EML4: variants seen among roughly 807,000 people sequenced by gnomAD.
The protein encoded by EML4 is echinoderm microtubule-associated protein-like 4.
Under a neutral mutation model 129.0 loss-of-function variants are expected in EML4, and 72 were observed. The observed-to-expected ratio is 0.56, with a 90% CI of 0.46 to 0.68. The LOEUF (loss-of-function observed/expected upper bound fraction) is 0.68, where lower values mean the gene tolerates loss of function less well. EML4 is among the 30% of genes least tolerant of loss of function. EML4 has a pLI of 0.00. For synonymous variants in EML4, 532 were observed against 405.0 expected, an observed-to-expected ratio of 1.31 and a Z score of -3.77; for missense variants, 1,363 against 1,190.6, an observed-to-expected ratio of 1.14 and a Z score of -2.13.
At chr2:42,280,821 G>C in intron 6 of EML4, 29 bp from the exon 7 acceptor site, 1 of 1,574,432 alleles carries the variant, frequency 6.4e-7, no homozygotes, top group Non-Finnish European at 8.6e-7. Flanking sequence ...AAATACGTAT[G>C]ACTTAACTTT....
intron 1 of EML4, among the ~76,000 whole-genome samples, chr2:42,176,373 T>G (rs1670603629): frequency 6.6e-6 from 1 of 152,218 alleles, no homozygotes; most frequent in South Asian, 2.1e-4. Context: ...CTCAGATTTA[T>G]CTTCCTAAAG....
intron 2 of EML4, 76 bp from the exon 3 acceptor site, chr2:42,256,425 G>T: frequency 4.9e-6 from 7 of 1,439,598 alleles, no homozygotes; most frequent in Admixed American, 2.3e-5. Context: ...CCTTCCAAAT[G>T]GACTTAATTT....
At chr2:42,236,462 A>C (rs920548354) in intron 1 of EML4, among the ~76,000 whole-genome samples, 2 of 152,220 alleles carry the variant, frequency 1.3e-5, no homozygotes, top group South Asian at 4.1e-4. Flanking sequence ...CTGGGAGGCC[A>C]CCTGTTTTAT....
chr2:42,249,338 C>T (rs1293841893), intron 2 of EML4, among the ~76,000 whole-genome samples: 1 of 151,472 alleles, frequency 6.6e-6, no homozygotes, highest in East Asian at 1.9e-4. Context: ...TCGAGTATCA[C>T]ATAATTTATT....
At chr2:42,178,904 C>G (rs561115324) in intron 1 of EML4, among the ~76,000 whole-genome samples, 45 of 152,224 alleles carry the variant, frequency 3.0e-4, no homozygotes, top group African/African-American at 9.9e-4. Flanking sequence ...GATTGTTTTG[C>G]ATCCATTATA....
chr2:42,254,086 T>G (rs1455381901), intron 2 of EML4, among the ~76,000 whole-genome samples: 1 of 152,224 alleles, frequency 6.6e-6, no homozygotes. Flanking sequence ...AAGCCCATTC[T>G]TAAAGTGGGC....
intron 19 of EML4, among the ~76,000 whole-genome samples, chr2:42,320,840 A>G (rs1019341674): frequency 2.0e-5 from 3 of 152,128 alleles, no homozygotes; most frequent in Admixed American, 6.6e-5. Context: ...CCCAGGAGAC[A>G]GTATATTTAA....
chr2:42,295,202 T>C lies in EML4; in HGVS notation c.1296T>C (p.His432=). 1 of 1,613,440 alleles carries C rather than the reference T, an allele frequency of 6.2e-7. No individual in the cohort carries two copies. The highest frequency in any genetic ancestry group is 8.5e-7 in the Non-Finnish European group (1 of 1,179,846). The part of the protein sequence containing the change: ...ANTIITCGKS[H]IFFWTWSGNS... ...CCATAATTACATGCGGTAAATCTCATATTTTCTTCTGGACCTGGAGCGGCA... is the reference window on the plus strand; with the variant it reads ...CCATAATTACATGCGGTAAATCTCACATTTTCTTCTGGACCTGGAGCGGCA... The change falls in exon 12 of 23, where the codon CAT becomes CAC. Residue 432 remains histidine (H), a synonymous_variant. Transcript: ENST00000318522.
rs551261250 is a variant in EML4, at chr2:42,192,584, C to T, written c.25+22948C>T. 1.6e-3 allele frequency among the ~76,000 whole-genome samples: 248 copies of T among 152,158 alleles called. 1 individual carries two copies. Among genetic ancestry groups the T allele is most frequent in the African/African-American group, 5.8e-3 (240 of 41,522 alleles). On this transcript the variant is annotated intron_variant, in intron 1 of 22. Coordinates refer to ENST00000318522, the MANE Select transcript of EML4 (RefSeq NM_019063.5). ...GACCATATTCTGACCACTCCAGTCC[C>T]TCAAATACTAGAGTCCTTTTATGAA...
chr2:42,276,813 A>C (rs1666684052), intron 6 of EML4, among the ~76,000 whole-genome samples: 1 of 152,228 alleles, frequency 6.6e-6, no homozygotes, highest in Admixed American at 6.5e-5. Flanking sequence ...TTTTCACTAT[A>C]ATGTATTGCC....
intron 1 of EML4, among the ~76,000 whole-genome samples, chr2:42,175,062 C>T (rs1670522982): frequency 6.6e-6 from 1 of 151,248 alleles, no homozygotes; most frequent in African/African-American, 2.4e-5. Flanking sequence ...TGTGATCCAC[C>T]CACCTTGGCC....
intron 21 of EML4, among the ~76,000 whole-genome samples, chr2:42,327,592 CTA>C (rs934437613): frequency 5.9e-5 from 9 of 152,308 alleles, no homozygotes; most frequent in African/African-American, 2.2e-4. Flanking sequence ...ATAAAGATAA[CTA>C]TGTGGGGCTT....
rs779743864 is a variant in EML4, at chr2:42,304,513, A to C, written c.1929A>C (p.Pro643=). The change falls in exon 17 of 23, where the codon CCA becomes CCC. Residue 643 remains proline (P), a synonymous_variant. Coordinates refer to ENST00000318522, the MANE Select transcript of EML4 (RefSeq NM_019063.5). ...CAGGACACTGTGCAGATTTTCATCC[A>C]AGTGGCACAGTGGTGGCCATAGGAA... ...DEPGHCADFH[P]SGTVVAIGTH... is the part of the protein sequence containing the mutation. 9 of 1,614,078 alleles carry C rather than the reference A, an allele frequency of 5.6e-6. No homozygotes were observed. The Admixed American group carries it at 1.3e-4, about 24-fold the overall frequency.
intron 19 of EML4, among the ~76,000 whole-genome samples, chr2:42,320,994 A>G (rs1255318238): frequency 6.6e-6 from 1 of 152,198 alleles, no homozygotes; most frequent in African/African-American, 2.4e-5. Flanking sequence ...TAAACACTTT[A>G]TCTACCTAGA....
intron 1 of EML4, among the ~76,000 whole-genome samples, chr2:42,231,149 TC>T (rs1674317142): frequency 6.6e-6 from 1 of 152,216 alleles, no homozygotes; most frequent in East Asian, 1.9e-4. Flanking sequence ...CACTGAAACT[TC>T]TCTGGTAAAG....
At chr2:42,175,173 C>T (rs1391683335) in intron 1 of EML4, among the ~76,000 whole-genome samples, 1 of 151,524 alleles carries the variant, frequency 6.6e-6, no homozygotes, top group Admixed American at 6.6e-5. Flanking sequence ...AGTGCAGTGG[C>T]ACCATGTTGG....
At chr2:42,297,133 A>G (rs1465075629) in intron 13 of EML4, among the ~76,000 whole-genome samples, 1 of 152,220 alleles carries the variant, frequency 6.6e-6, no homozygotes, top group African/African-American at 2.4e-5. Context: ...ACACACGAGA[A>G]GAATGGCAGT....
intron 2 of EML4, among the ~76,000 whole-genome samples, chr2:42,246,217 C>A (rs1335292183): frequency 1.3e-5 from 2 of 152,136 alleles, no homozygotes; most frequent in Non-Finnish European, 2.9e-5. Context: ...AAGGTTGAGA[C>A]AAACAGTCGT....
rs918915240 is a variant in EML4, at chr2:42,301,139, T to C, written c.1490-102T>C. 3.0e-6 allele frequency: 3 copies of C among 998,146 alleles called. No individual in the cohort carries two copies. The African/African-American group carries it at 5.1e-5, about 17-fold the overall frequency. 61.8% of individuals were successfully genotyped at this position (998,146 alleles called of 1,614,324 possible). A position where few individuals can be genotyped will look rare whatever the true frequency, so the allele number is the denominator to read the frequency against. ...GTTTTTGATTGAGTCATATGAACTTTCTGATTATTAACTCTAGTTCTACTG... is the reference window on the plus strand; with the variant it reads ...GTTTTTGATTGAGTCATATGAACTTCCTGATTATTAACTCTAGTTCTACTG... On this transcript the variant is annotated intron_variant, in intron 13 of 22. Transcript: ENST00000318522.
Sources: gnomAD v4.1 joint callset for allele counts (sites outside exome capture counted in the v4.1 genomes callset) on GRCh38, gnomAD v4.1.1 for gene constraint, MANE v1.5 for transcripts, NCBI Gene and HGNC (gene_info 2026-07-23, HGNC 2026-07-21) for gene names.